The following ACYP2 variants were observed in gnomAD, a reference collection of about 807,000 sequenced individuals.
ACYP2 encodes the protein acylphosphatase 2.
In ACYP2, 12 loss-of-function variants were observed where a neutral mutation model predicts 11.2. That is an observed-to-expected ratio of 1.08 (90% CI 0.69 to 1.74). The LOEUF is 1.74. ACYP2 is among the 40% of genes most tolerant of loss of function. The probability of loss-of-function intolerance (pLI) is 0.00; values close to 1 mark genes in which losing one functional copy is unlikely to be tolerated. For missense variants in ACYP2, 134 were observed against 101.9 expected, an observed-to-expected ratio of 1.31 and a Z score of -1.35; for synonymous variants, 43 against 32.2, an observed-to-expected ratio of 1.33 and a Z score of -1.13.
chr2:54,180,405 C>A (rs563281879), intron 6 of ACYP2, among the ~76,000 whole-genome samples: 1 of 152,152 alleles, frequency 6.6e-6, no homozygotes, highest in South Asian at 2.1e-4. Flanking sequence ...TTGGTCTTTC[C>A]AGTGACCAGC....
chr2:54,043,618 T>A (rs956627348), intron 2 of ACYP2, among the ~76,000 whole-genome samples: 3 of 152,218 alleles, frequency 2.0e-5, no homozygotes, highest in Non-Finnish European at 4.4e-5. Flanking sequence ...CTGTGTGGAA[T>A]TAGATTATAT....
intron 4 of ACYP2, among the ~76,000 whole-genome samples, chr2:54,114,556 T>A (rs1332099583): frequency 6.6e-6 from 1 of 152,118 alleles, no homozygotes; most frequent in African/African-American, 2.4e-5. Flanking sequence ...AGGTGGCGCA[T>A]GCCTGTAATC....
intron 2 of ACYP2, among the ~76,000 whole-genome samples, chr2:54,046,504 G>A (rs1051334372): frequency 2.7e-5 from 4 of 150,128 alleles, no homozygotes; most frequent in African/African-American, 9.8e-5. Context: ...AAAAAAAAAG[G>A]TTGCTTGAGA....
At chr2:54,038,023 A>G (rs887407527) in intron 2 of ACYP2, among the ~76,000 whole-genome samples, 1 of 152,228 alleles carries the variant, frequency 6.6e-6, no homozygotes, top group Non-Finnish European at 1.5e-5. Flanking sequence ...TGAAATTACT[A>G]CAATTTAATA....
intron 6 of ACYP2, among the ~76,000 whole-genome samples, chr2:54,270,965 C>T (rs1461123238): frequency 6.6e-6 from 1 of 152,178 alleles, no homozygotes; most frequent in African/African-American, 2.4e-5. Flanking sequence ...TTACATATGG[C>T]ACATACAATT....
chr2:54,294,098 G>GC (rs1364051889), intron 6 of ACYP2, among the ~76,000 whole-genome samples: 2 of 151,958 alleles, frequency 1.3e-5, no homozygotes, highest in Non-Finnish European at 2.9e-5. Flanking sequence ...TTATACTGGC[G>GC]CTGAAGAGAC....
chr2:54,270,478 C>T (rs1036555782), intron 6 of ACYP2, among the ~76,000 whole-genome samples: 8 of 152,144 alleles, frequency 5.3e-5, no homozygotes, highest in African/African-American at 1.7e-4. Context: ...CATGGTGGCA[C>T]ACATCTGTAG....
chr2:54,041,534 C>A (rs1042438541), intron 2 of ACYP2, among the ~76,000 whole-genome samples: 1 of 152,164 alleles, frequency 6.6e-6, no homozygotes, highest in Non-Finnish European at 1.5e-5. Flanking sequence ...TTACTCAAAA[C>A]TTATGATCAT....
chr2:54,069,530 C>T (rs200165815), intron 4 of ACYP2, among the ~76,000 whole-genome samples: 4 of 151,988 alleles, frequency 2.6e-5, no homozygotes, highest in African/African-American at 4.8e-5. Context: ...GGCGTGGTGG[C>T]GGGCGCCTGT....
At chr2:54,126,454 G>C (rs1680511650) in intron 4 of ACYP2, among the ~76,000 whole-genome samples, 1 of 152,056 alleles carries the variant, frequency 6.6e-6, no homozygotes, top group Non-Finnish European at 1.5e-5. Context: ...CAAAAAGCCA[G>C]GATGTCAAGA....
chr2:54,007,549 G>T (rs1406364623), intron 2 of ACYP2, among the ~76,000 whole-genome samples: 1 of 151,930 alleles, frequency 6.6e-6, no homozygotes, highest in Non-Finnish European at 1.5e-5. Flanking sequence ...CACCGTGCCA[G>T]CCTTTCATGG....
At chr2:54,150,472 G>A (rs935597672) in intron 6 of ACYP2, among the ~76,000 whole-genome samples, 7 of 152,186 alleles carry the variant, frequency 4.6e-5, no homozygotes, top group Non-Finnish European at 7.3e-5. Context: ...CCAGGCTGGA[G>A]TGCAGTGCCC....
chr2:54,013,985 C>A (rs114242964), intron 2 of ACYP2, among the ~76,000 whole-genome samples: 6,989 of 151,958 alleles, frequency 0.046, 227 homozygotes, highest in Non-Finnish European at 0.06. Flanking sequence ...TGGTGAAGCC[C>A]CTTCTCCACT....
At chr2:54,249,756 C>G (rs142516938) in intron 6 of ACYP2, among the ~76,000 whole-genome samples, 1 of 151,822 alleles carries the variant, frequency 6.6e-6, no homozygotes, top group Non-Finnish European at 1.5e-5. Flanking sequence ...GCTTGGGCAA[C>G]ACAGTGAGAC....
chr2:54,249,054 G>C (rs1297814628), intron 6 of ACYP2, among the ~76,000 whole-genome samples: 1 of 152,082 alleles, frequency 6.6e-6, no homozygotes, highest in Admixed American at 6.6e-5. Context: ...TGTTAGGTAG[G>C]GGATTGGTTG....
At chr2:54,046,304 C>A (rs1464019244) in intron 2 of ACYP2, among the ~76,000 whole-genome samples, 3 of 151,234 alleles carry the variant, frequency 2.0e-5, no homozygotes, top group Non-Finnish European at 2.9e-5. Flanking sequence ...CATGGTGAAA[C>A]CCTGTCCCTA....
chr2:54,249,161 T>G (rs907671409), intron 6 of ACYP2, among the ~76,000 whole-genome samples: 1 of 152,006 alleles, frequency 6.6e-6, no homozygotes, highest in Non-Finnish European at 1.5e-5. Context: ...CATGATTACT[T>G]TGTCAATAGT....
At chr2:54,266,767 G>T (rs760840286) in intron 6 of ACYP2, among the ~76,000 whole-genome samples, 2 of 151,438 alleles carry the variant, frequency 1.3e-5, no homozygotes, top group African/African-American at 4.9e-5. Context: ...CACCACGCCT[G>T]GCTAATTTTT....
intron 4 of ACYP2, among the ~76,000 whole-genome samples, chr2:54,063,611 G>A (rs1307114091): frequency 1.3e-5 from 2 of 152,192 alleles, no homozygotes; most frequent in Non-Finnish European, 2.9e-5. Flanking sequence ...CTCTGCTGAA[G>A]GCCACAGCTA....
Sources: gnomAD v4.1 joint callset for allele counts (sites outside exome capture counted in the v4.1 genomes callset) on GRCh38, gnomAD v4.1.1 for gene constraint, MANE v1.5 for transcripts, NCBI Gene and HGNC (gene_info 2026-07-23, HGNC 2026-07-21) for gene names.